The following ATP11B variants were observed in gnomAD, a reference collection of about 807,000 sequenced individuals.
ATP11B encodes phospholipid-transporting ATPase IF.
In ATP11B, 81 loss-of-function variants were observed where a neutral mutation model predicts 157.8. That is an observed-to-expected ratio of 0.51 (90% CI 0.43 to 0.62). The LOEUF (loss-of-function observed/expected upper bound fraction) is 0.62, where lower values mean the gene tolerates loss of function less well. Ranked by LOEUF, ATP11B falls within the 20% of genes least tolerant of loss-of-function variation. The probability of loss-of-function intolerance (pLI) is 0.00; values close to 1 mark genes in which losing one functional copy is unlikely to be tolerated. For missense variants in ATP11B, 1,165 were observed against 1,402.2 expected (o/e 0.83, Z 2.70); for synonymous variants, 451 against 469.4 (o/e 0.96, Z 0.51).
chr3:182,815,732 C>G (rs1157646487), intron 1 of ATP11B, among the ~76,000 whole-genome samples: 1 of 152,092 alleles, frequency 6.6e-6, no homozygotes, highest in African/African-American at 2.4e-5. Flanking sequence ...GCTGTGAACT[C>G]TAAGGATGAT....
At chr3:182,911,970 A>T (rs1216765304) in intron 28 of ATP11B, among the ~76,000 whole-genome samples, 2 of 152,104 alleles carry the variant, frequency 1.3e-5, no homozygotes, top group African/African-American at 4.8e-5. Flanking sequence ...GGCAGGGAAC[A>T]TTGGTTGGCT....
Position 182,918,094 on chromosome 3 carries a change from C to G in ATP11B, c.3524C>G (p.Ser1175Cys), listed in dbSNP as rs758708662. ...TTGACTCTCTCCACAATGGACTCAT[C>G]TACTTGTTAAAGGGGCAGTAGTACT... Reference protein sequence around the residue: ...SILTLSTMDSSTC With the variant: ...SILTLSTMDSCTC Residue 1175 changes from serine to cysteine, a missense_variant, in exon 30 of 30, where the codon TCT becomes TGT. Physicochemically the swap from Ser to Cys is moderately radical, Grantham distance 112 (BLOSUM62 -1). Around this residue, in one of 4 missense-constraint regions of ATP11B, gnomAD observed 303 missense variants for 296.3 expected, o/e 1.02. Coordinates refer to ENST00000323116, the MANE Select transcript of ATP11B (RefSeq NM_014616.3). 7 of 1,613,116 alleles carry G rather than the reference C, an allele frequency of 4.3e-6. No individual in the cohort carries two copies. In the African/African-American group the frequency reaches 9.3e-5, roughly 22 times the overall value.
At position 182,799,681 on chromosome 3, in the gene ATP11B, GT is replaced by G. The variant is rs1268419899; in HGVS notation, c.27+5896del. ...TTAATTTTTTTATTCTCAAAAGGAA[GT>G]AAACGTGTATTTTTTAAAAAATATC... On this transcript the variant is annotated intron_variant, in intron 1 of 29. Coordinates refer to ENST00000323116, the MANE Select transcript of ATP11B (RefSeq NM_014616.3). 3.9e-5 allele frequency among the ~76,000 whole-genome samples: 6 copies of G among 152,102 alleles called. No individual in the cohort carries two copies. In the East Asian group the frequency reaches 1.2e-3, roughly 29 times the overall value.
chr3:182,867,694 G>A (rs1216170962), intron 15 of ATP11B, among the ~76,000 whole-genome samples: 1 of 144,804 alleles, frequency 6.9e-6, no homozygotes, highest in East Asian at 2.0e-4. Context: ...AGTGATGCTT[G>A]TGCCTCAGCC....
At chr3:182,916,306 A>G (rs950174853) in intron 29 of ATP11B, 112 of 985,232 alleles carry the variant, frequency 1.1e-4, no homozygotes, top group Non-Finnish European at 1.3e-4. Context: ...TCCAAGATGT[A>G]GAAGCCCTTA....
chr3:182,897,018 A>G (rs1325843360), intron 26 of ATP11B, among the ~76,000 whole-genome samples: 2 of 152,184 alleles, frequency 1.3e-5, no homozygotes, highest in African/African-American at 2.4e-5. Flanking sequence ...CTCTGTGTAT[A>G]GTGCAAGACA....
At chr3:182,824,596 T>C (rs1717593133) in intron 2 of ATP11B, among the ~76,000 whole-genome samples, 2 of 152,212 alleles carry the variant, frequency 1.3e-5, no homozygotes, top group Non-Finnish European at 2.9e-5. Flanking sequence ...CTGAGTGTCC[T>C]CCTAGAAAGC....
chr3:182,865,743 A>G, intron 13 of ATP11B, 45 bp downstream of exon 13: 1 of 1,506,584 alleles, frequency 6.6e-7, no homozygotes, highest in Non-Finnish European at 9.0e-7. Context: ...ATATGAAATA[A>G]TTCTCTTCAG....
intron 7 of ATP11B, 83 bp from the exon 8 acceptor site, chr3:182,841,992 A>AAC: frequency 2.2e-6 from 2 of 904,408 alleles, no homozygotes; most frequent in Non-Finnish European, 3.4e-6. Context: ...AAAAAAAAAA[A>AAC]AAAAACAAAG....
chr3:182,846,438 A>G (rs919569153), intron 9 of ATP11B, among the ~76,000 whole-genome samples: 1 of 152,200 alleles, frequency 6.6e-6, no homozygotes, highest in Non-Finnish European at 1.5e-5. Flanking sequence ...TAAGTTAAAT[A>G]TAGAATTATA....
At position 182,919,269 on chromosome 3, in the gene ATP11B, G is replaced by A. The variant is rs908390441; in HGVS notation, c.*1165G>A. 2.0e-5 allele frequency: 3 copies of A among 152,546 alleles called. No individual in the cohort carries two copies. Among genetic ancestry groups the A allele is most frequent in the Non-Finnish European group, 4.4e-5 (3 of 68,004 alleles). 9.4% of individuals were successfully genotyped at this position (152,546 alleles called of 1,614,324 possible). A position where few individuals can be genotyped will look rare whatever the true frequency, so the allele number is the denominator to read the frequency against. ...AAACTACCACAATACAGTGAGTTCT[G>A]CCAGTGTCCCAGTACAAGGCATATT... On this transcript the variant is annotated 3_prime_UTR_variant, in exon 30 of 30. Transcript: ENST00000323116.
chr3:182,873,757 TA>T (rs1721833809), intron 18 of ATP11B, 54 bp from the exon 19 acceptor site: 1 of 1,446,058 alleles, frequency 6.9e-7, no homozygotes, highest in Non-Finnish European at 9.7e-7. Context: ...TAGTTTAACT[TA>T]AAATACAGTC....
chr3:182,870,641 TGGGTCATTTATAAGTCA>T (rs1157623322), intron 17 of ATP11B, among the ~76,000 whole-genome samples: 2 of 152,222 alleles, frequency 1.3e-5, no homozygotes, highest in Non-Finnish European at 2.9e-5. Context: ...TTTATAGGTA[TGGGTCATTTATAAGTCA>T]GGGAATGGCA....
At chr3:182,802,775 A>G (rs1716092562) in intron 1 of ATP11B, among the ~76,000 whole-genome samples, 2 of 152,080 alleles carry the variant, frequency 1.3e-5, no homozygotes, top group South Asian at 4.1e-4. Context: ...AGTCTCATTT[A>G]TCTCAGGAAG....
chr3:182,847,769 T>C (rs956265835), intron 9 of ATP11B, among the ~76,000 whole-genome samples: 1 of 152,172 alleles, frequency 6.6e-6, no homozygotes, highest in African/African-American at 2.4e-5. Flanking sequence ...ATGGGAAGAT[T>C]GAGACTCACA....
intron 2 of ATP11B, among the ~76,000 whole-genome samples, chr3:182,823,471 T>C (rs1258856655): frequency 2.6e-5 from 4 of 152,094 alleles, no homozygotes; most frequent in African/African-American, 9.7e-5. Flanking sequence ...TCCATTGGTC[T>C]ATATATCTGT....
Position 182,845,533 on chromosome 3 carries a change from A to G in ATP11B, c.769+11A>G. On this transcript the variant is annotated intron_variant, in intron 9 of 29. Transcript: ENST00000323116. ...CAAAAGAAATTTTTGGTTTGTACAT[A>G]TTTAAACATTTTAAATTATTGATTT... is the stretch of plus-strand genomic sequence containing the variant. 1.9e-6 allele frequency: 3 copies of G among 1,562,234 alleles called. No homozygotes were observed. Among genetic ancestry groups the G allele is most frequent in the Non-Finnish European group, 2.6e-6 (3 of 1,156,682 alleles).
chr3:182,897,487 T>A, intron 27 of ATP11B, 81 bp downstream of exon 27: 1 of 1,014,342 alleles, frequency 9.9e-7, no homozygotes, highest in Non-Finnish European at 1.4e-6. Context: ...TATGAACATA[T>A]TCTGCTCATA....
In ATP11B at chr3:182,920,996, T is replaced by G. The variant is rs2108603741; in HGVS notation, c.*2892T>G. 1.3e-5 allele frequency: 2 copies of G among 152,144 alleles called. 1 individual carries two copies. Among genetic ancestry groups the G allele is most frequent in the South Asian group, 4.2e-4 (2 of 4,816 alleles). 9.4% of individuals were successfully genotyped at this position (152,144 alleles called of 1,614,324 possible). On this transcript the variant is annotated 3_prime_UTR_variant, in exon 30 of 30. Transcript: ENST00000323116. ...CCTACGGTTAGTACCAGGACTGAGGTCATTTCTACTGGAAAAGATTGTGAG... is the reference window on the plus strand; with the variant it reads ...CCTACGGTTAGTACCAGGACTGAGGGCATTTCTACTGGAAAAGATTGTGAG...
Sources: allele counts gnomAD v4.1 joint callset (sites outside exome capture counted in the v4.1 genomes callset), GRCh38; gene constraint gnomAD v4.1.1; regional missense constraint gnomAD v4.1.1; transcripts MANE v1.5; gene names NCBI Gene and HGNC (gene_info 2026-07-23, HGNC 2026-07-21).